ABHD18: variants seen among roughly 807,000 people sequenced by gnomAD.
ABHD18 encodes the protein cardiolipin-specific deacylase, mitochondrial.
Under a neutral mutation model 65.9 loss-of-function variants are expected in ABHD18, and 55 were observed. The ratio of observed to expected loss-of-function variants is 0.84; its 90% CI spans 0.67 to 1.05. The LOEUF (loss-of-function observed/expected upper bound fraction) is 1.05. Ranked by LOEUF, ABHD18 falls within the 50% of genes least tolerant of loss-of-function variation. ABHD18 has a pLI of 0.00. For synonymous variants in ABHD18, 181 were observed against 180.2 expected, an observed-to-expected ratio of 1.00 and a Z score of -0.04; for missense variants, 533 against 558.5, an observed-to-expected ratio of 0.95 and a Z score of 0.46.
chr4:128,000,774 GT>G (rs1443838891), intron 4 of ABHD18, among the ~76,000 whole-genome samples: 1 of 152,162 alleles, frequency 6.6e-6, no homozygotes, highest in African/African-American at 2.4e-5. Flanking sequence ...AGCATGGAAT[GT>G]TTTTCCATTT....
chr4:128,008,606 A>G (rs1754038175), intron 4 of ABHD18, among the ~76,000 whole-genome samples: 1 of 152,000 alleles, frequency 6.6e-6, no homozygotes, highest in Non-Finnish European at 1.5e-5. Flanking sequence ...TTACTCATAT[A>G]TAGTGGTGTC....
chr4:127,984,279 G>A (rs1171152869), intron 2 of ABHD18, 60 bp from the exon 3 acceptor site: 1 of 932,424 alleles, frequency 1.1e-6, no homozygotes, highest in Non-Finnish European at 1.7e-6. Flanking sequence ...CAATTATAAT[G>A]TGCTTAGTAG....
chr4:128,039,162 T>TGC lies in ABHD18; in HGVS notation c.*3349_*3350insGC, dbSNP rs1759141098. On this transcript the variant is annotated 3_prime_UTR_variant, in exon 13 of 13. Coordinates refer to ENST00000645843, the MANE Select transcript of ABHD18 (RefSeq NM_001358451.3). ...ACATATGCATATATATATATATATATATATATATATATATATATATATAAT... is the reference window on the plus strand; with the variant it reads ...ACATATGCATATATATATATATATATGCATATATATATATATATATATATAAT... 5.1e-5 allele frequency: 7 copies of TGC among 136,818 alleles called. No homozygotes were observed. The South Asian group carries it at 1.1e-3, about 22-fold the overall frequency. 8.5% of individuals were successfully genotyped at this position (136,818 alleles called of 1,614,324 possible).
intron 1 of ABHD18, among the ~76,000 whole-genome samples, chr4:127,977,317 A>G (rs557717440): frequency 6.6e-6 from 1 of 152,106 alleles, no homozygotes; most frequent in South Asian, 2.1e-4. Flanking sequence ...TACTAAAAAT[A>G]CAAAATTAGC....
At chr4:128,010,087 A>T (rs1424834082) in intron 6 of ABHD18, among the ~76,000 whole-genome samples, 1 of 152,164 alleles carries the variant, frequency 6.6e-6, no homozygotes, top group African/African-American at 2.4e-5. Context: ...TTTCTCATTG[A>T]TAAATGGGAA....
intron 2 of ABHD18, among the ~76,000 whole-genome samples, chr4:127,983,874 T>TAAAAAAAA (rs1468084110): frequency 1.3e-5 from 2 of 149,670 alleles, no homozygotes; most frequent in Non-Finnish European, 3.0e-5. Context: ...ATAAAAAAAA[T>TAAAAAAAA]AAAAAAATAC....
rs201083117 is a variant in ABHD18, at chr4:128,020,169, G to A, written c.699G>A (p.Thr233=). 40 of 1,609,188 alleles carry A rather than the reference G, an allele frequency of 2.5e-5. No individual in the cohort carries two copies. The highest frequency in any genetic ancestry group is 1.7e-4 in the Middle Eastern group (1 of 6,058). ...CCACAGCATCTGGGGTCTTCACTAC[G>A]GTAATTTAATTGTAATTAATATTAG... ...SWSTASGVFT[T]GVLSKSINWR... The change falls in exon 9 of 13, where the codon ACG becomes ACA. Residue 233 remains threonine (T), a splice_region_variant and synonymous_variant. Transcript: ENST00000645843.
At chr4:127,967,971 C>T (rs904089724) in intron 1 of ABHD18, among the ~76,000 whole-genome samples, 3 of 152,152 alleles carry the variant, frequency 2.0e-5, no homozygotes, top group Admixed American at 2.0e-4. Context: ...CTTGTAATCC[C>T]AGCACTTTGG....
chr4:127,973,652 C>T (rs1747287681), intron 1 of ABHD18, among the ~76,000 whole-genome samples: 1 of 151,872 alleles, frequency 6.6e-6, no homozygotes. Flanking sequence ...CCCATGACGA[C>T]ATTATGTTAT....
At chr4:128,024,562 C>T (rs1757051034) in intron 10 of ABHD18, among the ~76,000 whole-genome samples, 1 of 152,112 alleles carries the variant, frequency 6.6e-6, no homozygotes, top group Non-Finnish European at 1.5e-5. Flanking sequence ...TATTGATGTC[C>T]CACTCTGAGT....
rs1027638514 is a variant in ABHD18, at chr4:128,021,222, T to C, written c.785T>C (p.Met262Thr). The stretch of plus-strand genomic sequence containing the variant: ...GTTTATGAAGAAGAAATTATTCACA[T>C]GCTTGAATACTGTGGAGTAAGTATT... ...QTVYEEEIIH[M>T]LEYCGTDSFK... The change falls in exon 10 of 13, where the codon ATG becomes ACG. Residue 262 changes from methionine (M) to threonine (T), a missense_variant. By Grantham distance (81) the Met-to-Thr change is moderately conservative (BLOSUM62 -1). Coordinates refer to ENST00000645843, the MANE Select transcript of ABHD18 (RefSeq NM_001358451.3). 1 of 1,532,562 alleles carries C rather than the reference T, an allele frequency of 6.5e-7. No individual in the cohort carries two copies. The highest frequency in any genetic ancestry group is 1.4e-5 in the African/African-American group (1 of 72,690). 94.9% of individuals were successfully genotyped at this position (1,532,562 alleles called of 1,614,324 possible). A position where few individuals can be genotyped will look rare whatever the true frequency, so the allele number is the denominator to read the frequency against.
At chr4:128,000,121 A>G (rs1159513396) in intron 4 of ABHD18, among the ~76,000 whole-genome samples, 1 of 152,210 alleles carries the variant, frequency 6.6e-6, no homozygotes, top group Non-Finnish European at 1.5e-5. Flanking sequence ...CCATGATTCA[A>G]CTACCTCCCA....
intron 3 of ABHD18, 28 bp from the exon 4 acceptor site, chr4:127,989,693 A>T: frequency 1.4e-6 from 2 of 1,449,346 alleles, no homozygotes; most frequent in Non-Finnish European, 1.9e-6. Context: ...GTTTTCTTGC[A>T]TACATCTTGG....
At chr4:127,969,792 G>C (rs935249419) in intron 1 of ABHD18, among the ~76,000 whole-genome samples, 2 of 150,836 alleles carry the variant, frequency 1.3e-5, no homozygotes, top group Non-Finnish European at 2.9e-5. Context: ...CTGTTGCCGA[G>C]GCTGGAGTGC....
At chr4:128,030,699 T>G (rs771332386) in intron 12 of ABHD18, 27 bp downstream of exon 12, 1 of 1,529,868 alleles carries the variant, frequency 6.5e-7, no homozygotes, top group Non-Finnish European at 8.7e-7. Context: ...AAACATGTAT[T>G]CGTTCATTTG....
chr4:127,997,470 A>AGTT (rs1000294000), intron 4 of ABHD18, among the ~76,000 whole-genome samples: 2 of 152,224 alleles, frequency 1.3e-5, no homozygotes, highest in African/African-American at 4.8e-5. Context: ...CAGTACAAGG[A>AGTT]GTTCTTTGAG....
At chr4:128,034,890 G>C (rs1758707052) in intron 12 of ABHD18, among the ~76,000 whole-genome samples, 1 of 152,132 alleles carries the variant, frequency 6.6e-6, no homozygotes, top group African/African-American at 2.4e-5. Context: ...GACTTCAGGT[G>C]ATCCGCCTGC....
intron 6 of ABHD18, 26 bp downstream of exon 6, chr4:128,009,217 T>C: frequency 7.5e-7 from 1 of 1,337,398 alleles, no homozygotes; most frequent in Non-Finnish European, 9.8e-7. Flanking sequence ...ATCTAAGAAA[T>C]CTTTTGCCTT....
chr4:127,981,000 T>G (rs1748939581), intron 1 of ABHD18, among the ~76,000 whole-genome samples: 1 of 152,182 alleles, frequency 6.6e-6, no homozygotes, highest in Admixed American at 6.5e-5. Context: ...GTACCTGTGC[T>G]TTACCCACTG....
Sources: gnomAD v4.1 joint callset for allele counts (sites outside exome capture counted in the v4.1 genomes callset) on GRCh38, gnomAD v4.1.1 for gene constraint, MANE v1.5 for transcripts, NCBI Gene and HGNC (gene_info 2026-07-23, HGNC 2026-07-21) for gene names.